INPP4B: variants seen among roughly 807,000 people sequenced by gnomAD.
INPP4B encodes inositol polyphosphate 4-phosphatase type II.
A neutral mutation model predicts 122.5 loss-of-function variants in INPP4B; 55 were observed. That is an observed-to-expected ratio of 0.45 (90% CI 0.36 to 0.56). The LOEUF (loss-of-function observed/expected upper bound fraction) is 0.56. Among genes scored for constraint, INPP4B ranks in the 20% least tolerant of loss-of-function variants. The probability of loss-of-function intolerance (pLI) is 0.00; values close to 1 mark genes in which losing one functional copy is unlikely to be tolerated. For missense variants in INPP4B, 1,000 were observed against 1,097.7 expected, an observed-to-expected ratio of 0.91 and a Z score of 1.26; for synonymous variants, 403 against 388.7, an observed-to-expected ratio of 1.04 and a Z score of -0.43.
At chr4:142,648,563 A>G (rs1008028741) in intron 2 of INPP4B, among the ~76,000 whole-genome samples, 2 of 152,106 alleles carry the variant, frequency 1.3e-5, no homozygotes, top group Non-Finnish European at 2.9e-5. Flanking sequence ...AACCTTAATC[A>G]CTGCCAGTGC....
intron 23 of INPP4B, among the ~76,000 whole-genome samples, chr4:142,100,297 T>G (rs377017636): frequency 6.6e-6 from 1 of 152,054 alleles, no homozygotes; most frequent in African/African-American, 2.4e-5. Context: ...TAAGGGCCCC[T>G]GGAAGTGGTT....
At chr4:142,208,588 TAA>T in intron 13 of INPP4B, 59 bp from the exon 14 acceptor site, 1 of 885,370 alleles carries the variant, frequency 1.1e-6, no homozygotes, top group Non-Finnish European at 1.7e-6. Flanking sequence ...ATATGTGTGT[TAA>T]AAGATAAATT....
At chr4:142,262,622 C>G (rs867230304) in intron 10 of INPP4B, among the ~76,000 whole-genome samples, 10 of 152,010 alleles carry the variant, frequency 6.6e-5, no homozygotes, top group Admixed American at 5.9e-4. Flanking sequence ...GTTTTCTTCC[C>G]CTGAAGGTAC....
chr4:142,578,319 T>A (rs1734285749), intron 2 of INPP4B, among the ~76,000 whole-genome samples: 1 of 151,978 alleles, frequency 6.6e-6, no homozygotes, highest in South Asian at 2.1e-4. Context: ...CGTGACTATC[T>A]TATTTTTCTA....
chr4:142,050,376 A>G (rs1455810951), intron 25 of INPP4B, among the ~76,000 whole-genome samples: 1 of 152,042 alleles, frequency 6.6e-6, no homozygotes. Context: ...CTGCCTCATT[A>G]CTTTAACATT....
In INPP4B at chr4:142,123,418, G is replaced by A; in HGVS notation, c.1894-3C>T. ...AAACCACAAACCAATCCAGCAAGCT[G>A]AAAAAAAAATATTGATGAGATTTAC... is the stretch of plus-strand genomic sequence containing the variant. On this transcript the variant is annotated splice_polypyrimidine_tract_variant and splice_region_variant and intron_variant, in intron 19 of 25. Coordinates refer to ENST00000262992, the MANE Select transcript of INPP4B (RefSeq NM_001101669.3). 1.3e-6 allele frequency: 2 copies of A among 1,580,072 alleles called. No homozygotes were observed. Among genetic ancestry groups the A allele is most frequent in the Non-Finnish European group, 8.6e-7 (1 of 1,163,544 alleles).
intron 12 of INPP4B, among the ~76,000 whole-genome samples, chr4:142,213,164 T>C (rs564714316): frequency 7.2e-5 from 11 of 152,298 alleles, no homozygotes; most frequent in African/African-American, 2.6e-4. Flanking sequence ...GTGAAGGCAC[T>C]GTGAGAGGAA....
At chr4:142,163,697 T>A (rs954434162) in intron 16 of INPP4B, among the ~76,000 whole-genome samples, 1 of 151,788 alleles carries the variant, frequency 6.6e-6, no homozygotes, top group African/African-American at 2.4e-5. Context: ...TATACAGGGC[T>A]TGGTACTATC....
intron 2 of INPP4B, among the ~76,000 whole-genome samples, chr4:142,602,093 C>T (rs945534943): frequency 5.3e-5 from 8 of 151,648 alleles, no homozygotes; most frequent in Admixed American, 2.6e-4. Context: ...ATTGTCTCAA[C>T]CCAAAAGCTT....
chr4:142,689,878 C>T (rs1353045142), intron 2 of INPP4B, among the ~76,000 whole-genome samples: 2 of 152,162 alleles, frequency 1.3e-5, no homozygotes, highest in African/African-American at 2.4e-5. Context: ...ACTAAGTTCT[C>T]ACTAAGTACT....
intron 5 of INPP4B, chr4:142,427,563 A>G (rs1209997982): frequency 7.7e-6 from 4 of 521,588 alleles, no homozygotes; most frequent in South Asian, 2.9e-5. Flanking sequence ...TGAACAAGAT[A>G]GATTCTCTTA....
intron 7 of INPP4B, among the ~76,000 whole-genome samples, chr4:142,398,443 T>TAAAA (rs1453575750): frequency 1.3e-5 from 1 of 76,756 alleles, no homozygotes; most frequent in African/African-American, 6.6e-5. Flanking sequence ...TATATATATA[T>TAAAA]ATAAAACATA....
intron 2 of INPP4B, among the ~76,000 whole-genome samples, chr4:142,637,024 T>C (rs1749306720): frequency 1.3e-5 from 2 of 152,194 alleles, no homozygotes; most frequent in South Asian, 4.1e-4. Context: ...TTATTTTTTA[T>C]TTATCAATAA....
At chr4:142,806,292 A>AG (rs1778704173) in intron 1 of INPP4B, among the ~76,000 whole-genome samples, 1 of 151,220 alleles carries the variant, frequency 6.6e-6, no homozygotes, top group African/African-American at 2.4e-5. Context: ...AAAAAAAAAA[A>AG]AAAAAAAAAA....
chr4:142,080,323 TA>T (rs1441092639), intron 25 of INPP4B, among the ~76,000 whole-genome samples: 3 of 152,124 alleles, frequency 2.0e-5, no homozygotes, highest in African/African-American at 4.8e-5. Context: ...TGAAGGCAGT[TA>T]TTAAAGAAAA....
At chr4:142,288,813 A>G (rs1167628800) in intron 9 of INPP4B, among the ~76,000 whole-genome samples, 2 of 152,130 alleles carry the variant, frequency 1.3e-5, no homozygotes, top group Admixed American at 1.3e-4. Context: ...ATAATATATT[A>G]CCTGCCTTAT....
chr4:142,243,085 G>A (rs1009992991), intron 11 of INPP4B, among the ~76,000 whole-genome samples: 3 of 152,304 alleles, frequency 2.0e-5, no homozygotes, highest in African/African-American at 7.2e-5. Context: ...ATGCAAGACG[G>A]AAGAGCATAA....
At chr4:142,284,586 A>G (rs1752672382) in intron 9 of INPP4B, among the ~76,000 whole-genome samples, 1 of 152,116 alleles carries the variant, frequency 6.6e-6, no homozygotes, top group South Asian at 2.1e-4. Flanking sequence ...TCTCAGTGAA[A>G]CAGAAACTAT....
intron 1 of INPP4B, among the ~76,000 whole-genome samples, chr4:142,813,056 A>T (rs1234611498): frequency 6.6e-6 from 1 of 152,164 alleles, no homozygotes; most frequent in African/African-American, 2.4e-5. Context: ...AAAAATGTTG[A>T]ACACGAAATT....
Sources: allele counts gnomAD v4.1 joint callset (sites outside exome capture counted in the v4.1 genomes callset), GRCh38; gene constraint gnomAD v4.1.1; transcripts MANE v1.5; gene names NCBI Gene and HGNC (gene_info 2026-07-23, HGNC 2026-07-21).